The following XAF1 variants were observed in gnomAD, a reference collection of about 807,000 sequenced individuals.
The protein encoded by XAF1 is XIAP associated factor 1, also known as XIAP-associated factor 1.
XAF1 carries 32 observed loss-of-function variants against 32.3 expected under a neutral mutation model. The observed-to-expected ratio is 0.99, with a 90% CI of 0.75 to 1.33. XAF1 has a LOEUF of 1.33. Among genes scored for constraint, XAF1 ranks in the 40% most tolerant of loss-of-function variants. The pLI is 0.00. For missense variants in XAF1, 379 were observed against 366.0 expected (o/e 1.04, Z -0.29); for synonymous variants, 120 against 125.9 (o/e 0.95, Z 0.31).
intron 5 of XAF1, among the ~76,000 whole-genome samples, chr17:6,770,442 A>C (rs1330124200): frequency 1.3e-5 from 2 of 152,138 alleles, no homozygotes; most frequent in Non-Finnish European, 2.9e-5. Flanking sequence ...AACCATAGCA[A>C]CCAGTCAGAC....
intron 5 of XAF1, among the ~76,000 whole-genome samples, chr17:6,767,072 G>T (rs1176925944): frequency 6.6e-6 from 1 of 152,084 alleles, no homozygotes; most frequent in Admixed American, 6.6e-5. Flanking sequence ...AGAATCTATT[G>T]ACCATCTTAA....
At position 6,758,229 on chromosome 17, in the gene XAF1, G is replaced by C; in HGVS notation, c.168+5G>C. The C allele has an allele frequency of 4.3e-6, 7 of 1,614,068 alleles. No homozygotes were observed. Among genetic ancestry groups the C allele is most frequent in the Non-Finnish European group, 5.9e-6 (7 of 1,179,938 alleles). ...TGCAAGCTTGAGCACCAGCAGGTGA[G>C]GAGGCGGCAGGGAGGATGGGGTCTG... On this transcript the variant is annotated splice_donor_5th_base_variant and intron_variant, in intron 2 of 6. Coordinates refer to ENST00000361842, the MANE Select transcript of XAF1 (RefSeq NM_017523.5).
chr17:6,768,050 ATTG>A (rs768860377), intron 5 of XAF1, among the ~76,000 whole-genome samples: 1 of 151,744 alleles, frequency 6.6e-6, no homozygotes, highest in Non-Finnish European at 1.5e-5. Flanking sequence ...TTTACTGATT[ATTG>A]TTGTTATTTA....
At chr17:6,760,042 G>A (rs1975054807) in intron 3 of XAF1, among the ~76,000 whole-genome samples, 1 of 152,288 alleles carries the variant, frequency 6.6e-6, no homozygotes, top group African/African-American at 2.4e-5. Context: ...TCCTTGATCT[G>A]CCTACAGTCA....
chr17:6,756,566 C>G (rs1974683407), intron 1 of XAF1, among the ~76,000 whole-genome samples: 2 of 151,638 alleles, frequency 1.3e-5, no homozygotes, highest in African/African-American at 4.8e-5. Flanking sequence ...GGGCTGGGAC[C>G]ACACCTCTAA....
At chr17:6,756,242 C>T (rs933967948) in intron 1 of XAF1, 132 bp downstream of exon 1, 2 of 1,519,994 alleles carry the variant, frequency 1.3e-6, no homozygotes, top group African/African-American at 2.8e-5. Context: ...CAGCTGGAGA[C>T]CGTGGGCCCC....
At chr17:6,758,263 G>T (rs1974857418) in intron 2 of XAF1, 39 bp downstream of exon 2, 1 of 1,608,398 alleles carries the variant, frequency 6.2e-7, no homozygotes, top group African/African-American at 1.3e-5. Flanking sequence ...TGAGAGTCAA[G>T]GTGAGTGTTC....
At chr17:6,765,093 T>G (rs1975498901) in intron 5 of XAF1, among the ~76,000 whole-genome samples, 1 of 152,166 alleles carries the variant, frequency 6.6e-6, no homozygotes, top group Non-Finnish European at 1.5e-5. Flanking sequence ...CCTTCATTAT[T>G]TCATCCTACC....
At chr17:6,757,063 G>A (rs937409896) in intron 1 of XAF1, among the ~76,000 whole-genome samples, 11 of 151,308 alleles carry the variant, frequency 7.3e-5, no homozygotes, top group Admixed American at 1.3e-4. Context: ...GTGCAATGGC[G>A]CGATTTCAGC....
intron 5 of XAF1, among the ~76,000 whole-genome samples, chr17:6,769,038 C>T (rs571750824): frequency 4.8e-5 from 5 of 104,326 alleles, no homozygotes; most frequent in Admixed American, 3.4e-4. Flanking sequence ...CTTCATGACT[C>T]TCTTTTTTTT....
rs12232535 is a variant in XAF1, at chr17:6,757,604, A to G, written c.33-485A>G. 1.9e-3 allele frequency among the ~76,000 whole-genome samples: 277 copies of G among 145,870 alleles called. 2 individuals carry two copies. Among genetic ancestry groups the G allele is most frequent in the African/African-American group, 3.6e-3 (144 of 39,926 alleles). On this transcript the variant is annotated intron_variant, in intron 1 of 6. Transcript: ENST00000361842. Reference sequence around the variant, plus strand: ...TTCAAGAGAATTTGGCACTTCTCTCAAATTATTTAAATTGAAATAATTTAA... The same window carrying G: ...TTCAAGAGAATTTGGCACTTCTCTCGAATTATTTAAATTGAAATAATTTAA...
intron 1 of XAF1, among the ~76,000 whole-genome samples, chr17:6,756,879 A>C (rs1259655382): frequency 6.6e-6 from 1 of 151,550 alleles, no homozygotes; most frequent in African/African-American, 2.4e-5. Context: ...TGGGCATGTA[A>C]CTCTTCTCGT....
chr17:6,764,655 T>A (rs1455845777), intron 5 of XAF1, among the ~76,000 whole-genome samples: 2 of 152,240 alleles, frequency 1.3e-5, no homozygotes, highest in African/African-American at 4.8e-5. Context: ...TTTATTAATA[T>A]GACCCAAAGC....
At chr17:6,770,489 G>T (rs1007235809) in intron 5 of XAF1, among the ~76,000 whole-genome samples, 154 bp from the exon 6 acceptor site, 4 of 152,120 alleles carry the variant, frequency 2.6e-5, no homozygotes. Context: ...TTTCTTTCCT[G>T]CAAAGCCAGC....
intron 1 of XAF1, 83 bp downstream of exon 1, chr17:6,756,193 A>G: frequency 1.9e-6 from 3 of 1,605,390 alleles, no homozygotes; most frequent in Non-Finnish European, 2.6e-6. Context: ...TGAAGGGAGC[A>G]GAAAGTGGTT....
rs1365981207 is a variant in XAF1, at chr17:6,762,302, G to T, written c.507+62G>T. On this transcript the variant is annotated intron_variant, in intron 5 of 6. Coordinates refer to ENST00000361842, the MANE Select transcript of XAF1 (RefSeq NM_017523.5). ...AGTTCATCCACATTCTGAAAAGTGT[G>T]ATAGGAAAGGCAGATTCTGGGCCCA... The T allele has an allele frequency of 2.8e-6, 4 of 1,419,664 alleles. No individual in the cohort carries two copies. The Admixed American group carries it at 6.5e-5, about 23-fold the overall frequency. 87.9% of individuals were successfully genotyped at this position (1,419,664 alleles called of 1,614,324 possible).
intron 4 of XAF1, chr17:6,761,737 C>T (rs1266577815): frequency 2.2e-6 from 2 of 902,058 alleles, no homozygotes; most frequent in East Asian, 1.2e-4. Context: ...CAACACAACA[C>T]AACACAACAC....
rs1430480996 is a variant in XAF1, at chr17:6,760,574, C to A, written c.394C>A (p.Arg132Ser). The A allele has an allele frequency of 2.5e-6, 4 of 1,612,224 alleles. No homozygotes were observed. The highest frequency in any genetic ancestry group is 2.2e-5 in the East Asian group (1 of 44,834). The stretch of plus-strand genomic sequence containing the variant: ...GCTCGCCCAGCACAGAGATGTCTGT[C>A]GCAGTGAACAGGCCCAGCTCGGGAA... ...RMLAQHRDVC[R>S]SEQAQLGKGE... The change falls in exon 4 of 7, where the codon CGC becomes AGC. Residue 132 changes from arginine to serine, a missense_variant. Physicochemically the swap from Arg to Ser is moderately radical, Grantham distance 110 (BLOSUM62 -1). Transcript: ENST00000361842.
Position 6,773,152 on chromosome 17 carries a change from G to A in XAF1, c.889G>A (p.Val297Met), listed in dbSNP as rs1976185348. The A allele has an allele frequency of 6.2e-7, 1 of 1,603,864 alleles. No homozygotes were observed. Among genetic ancestry groups the A allele is most frequent in the African/African-American group, 1.3e-5 (1 of 74,128 alleles). Residue 297 changes from valine (V) to methionine (M), a missense_variant, in exon 7 of 7, where the codon GTG (valine) becomes ATG (methionine). By Grantham distance (21) the Val-to-Met change is conservative. Coordinates refer to ENST00000361842, the MANE Select transcript of XAF1 (RefSeq NM_017523.5). ...RWLASSKGKQ[V>M]RNFS ...GTTAGCTTCATCAAAAGGAAAACAAGTGAGAAATTTCAGCTAGATTTGGAA... is the reference window on the plus strand; with the variant it reads ...GTTAGCTTCATCAAAAGGAAAACAAATGAGAAATTTCAGCTAGATTTGGAA...
Sources: gnomAD v4.1 joint callset for allele counts (sites outside exome capture counted in the v4.1 genomes callset) on GRCh38, gnomAD v4.1.1 for gene constraint, MANE v1.5 for transcripts, NCBI Gene and HGNC (gene_info 2026-07-23, HGNC 2026-07-21) for gene names.